RAB28: variants seen among roughly 807,000 people sequenced by gnomAD.
RAB28 encodes ras-related protein Rab-28.
A neutral mutation model predicts 31.7 loss-of-function variants in RAB28; 24 were observed. That is an observed-to-expected ratio of 0.76 (90% CI 0.55 to 1.06). RAB28 has a LOEUF of 1.06. Among genes scored for constraint, RAB28 ranks in the 50% least tolerant of loss-of-function variants. The pLI is 0.00. For missense variants in RAB28, 254 were observed against 258.5 expected (o/e 0.98, Z 0.12); for synonymous variants, 100 against 90.4 (o/e 1.11, Z -0.60).
chr4:13,462,631 T>C (rs781158510), intron 3 of RAB28, among the ~76,000 whole-genome samples: 22 of 152,312 alleles, frequency 1.4e-4, no homozygotes, highest in South Asian at 4.1e-4. Flanking sequence ...GTTACCTAGC[T>C]TCTCCAGGTC....
At chr4:13,427,792 A>G (rs544755993) in intron 4 of RAB28, among the ~76,000 whole-genome samples, 292 of 152,280 alleles carry the variant, frequency 1.9e-3, no homozygotes, top group African/African-American at 6.7e-3. Flanking sequence ...TGGAGAACAG[A>G]GAAGAGTAAC....
At chr4:13,462,245 A>G (rs576183295) in intron 3 of RAB28, among the ~76,000 whole-genome samples, 2 of 152,258 alleles carry the variant, frequency 1.3e-5, no homozygotes, top group South Asian at 4.1e-4. Flanking sequence ...GCCAATTTTC[A>G]TGGTGTAAAT....
chr4:13,448,618 A>G (rs899867041), intron 4 of RAB28, among the ~76,000 whole-genome samples: 8 of 152,082 alleles, frequency 5.3e-5, no homozygotes, highest in African/African-American at 9.6e-5. Flanking sequence ...ATTATGAAAC[A>G]GCACTCATTT....
At position 13,368,047 on chromosome 4, in the gene RAB28, T is replaced by C; in HGVS notation, c.*511A>G. Reference sequence around the variant, plus strand: ...CAGGCTTATTTCAAGCATTTTCAGTTAGAAACAGCTTTATATACTTTTACT... The same window carrying C: ...CAGGCTTATTTCAAGCATTTTCAGTCAGAAACAGCTTTATATACTTTTACT... On this transcript the variant is annotated 3_prime_UTR_variant, in exon 7 of 7. Coordinates refer to ENST00000330852, the MANE Select transcript of RAB28 (RefSeq NM_001017979.3). The C allele has an allele frequency of 1.0e-6, 1 of 975,802 alleles. No homozygotes were observed. Among genetic ancestry groups the C allele is most frequent in the Non-Finnish European group, 1.2e-6 (1 of 821,226 alleles). 60.4% of individuals were successfully genotyped at this position (975,802 alleles called of 1,614,324 possible).
intron 4 of RAB28, among the ~76,000 whole-genome samples, chr4:13,392,424 A>T (rs1729680212): frequency 6.6e-6 from 1 of 152,206 alleles, no homozygotes; most frequent in African/African-American, 2.4e-5. Context: ...GATTATATAC[A>T]AGAATTTGTC....
intron 6 of RAB28, among the ~76,000 whole-genome samples, chr4:13,374,237 T>C (rs1288521210): frequency 6.6e-6 from 1 of 152,082 alleles, no homozygotes; most frequent in Non-Finnish European, 1.5e-5. Flanking sequence ...AAACTGAAGA[T>C]AGAATTAAAC....
chr4:13,408,921 T>G (rs11941293), intron 4 of RAB28, among the ~76,000 whole-genome samples: 17,005 of 152,220 alleles, frequency 0.11, 1,202 homozygotes, highest in African/African-American at 0.19. Context: ...ATAAATATAT[T>G]TTGATAAGTT....
At chr4:13,387,100 G>A (rs1302806564) in intron 4 of RAB28, among the ~76,000 whole-genome samples, 1 of 152,056 alleles carries the variant, frequency 6.6e-6, no homozygotes, top group Admixed American at 6.6e-5. Flanking sequence ...CAAGAGGATG[G>A]AGGGTGGGAG....
At chr4:13,481,845 G>A (rs1344027459) in intron 1 of RAB28, among the ~76,000 whole-genome samples, 1 of 152,040 alleles carries the variant, frequency 6.6e-6, no homozygotes, top group Admixed American at 6.6e-5. Context: ...CAGGAAAAAA[G>A]AGCCAAGAGT....
intron 4 of RAB28, among the ~76,000 whole-genome samples, chr4:13,444,153 G>C (rs1015648249): frequency 5.3e-5 from 8 of 151,230 alleles, no homozygotes; most frequent in Admixed American, 4.0e-4. Flanking sequence ...TCAGCCTCCC[G>C]AGTAGCTGGG....
At chr4:13,431,590 C>G (rs1352514284) in intron 4 of RAB28, among the ~76,000 whole-genome samples, 1 of 152,112 alleles carries the variant, frequency 6.6e-6, no homozygotes, top group East Asian at 1.9e-4. Flanking sequence ...ATCAGGCCCA[C>G]AGGAGACAGT....
At chr4:13,426,355 C>T (rs919890158) in intron 4 of RAB28, among the ~76,000 whole-genome samples, 115 of 151,404 alleles carry the variant, frequency 7.6e-4, no homozygotes, top group African/African-American at 2.7e-3. Flanking sequence ...AAACGAATCT[C>T]TGAGGAGGAG....
In RAB28 at chr4:13,474,537, G is replaced by A. The variant is rs1716263849; in HGVS notation, c.173-131C>T. On this transcript the variant is annotated intron_variant, in intron 2 of 6. Coordinates refer to ENST00000330852, the MANE Select transcript of RAB28 (RefSeq NM_001017979.3). The stretch of plus-strand genomic sequence containing the variant: ...TGAGCCCAATTTGCCTTTATGTGCA[G>A]GCTCACATGATATTTGGAATTGCGA... The A allele has an allele frequency of 1.0e-5, 5 of 489,530 alleles. No homozygotes were observed. The Admixed American group carries it at 1.4e-4, about 14-fold the overall frequency. 30.3% of individuals were successfully genotyped at this position (489,530 alleles called of 1,614,324 possible).
intron 6 of RAB28, chr4:13,370,860 T>C (rs1048080968): frequency 3.9e-5 from 37 of 956,604 alleles, no homozygotes; most frequent in Non-Finnish European, 4.4e-5. Flanking sequence ...AAGAAACTAT[T>C]TATTTTTACC....
intron 2 of RAB28, among the ~76,000 whole-genome samples, chr4:13,476,035 A>C (rs536856008): frequency 6.6e-6 from 1 of 151,668 alleles, no homozygotes; most frequent in South Asian, 2.1e-4. Flanking sequence ...TTACAGAGTA[A>C]GATTTTAGGC....
intron 4 of RAB28, among the ~76,000 whole-genome samples, chr4:13,448,548 T>C (rs961853506): frequency 5.9e-5 from 9 of 152,168 alleles, no homozygotes; most frequent in East Asian, 5.8e-4. Flanking sequence ...AAAGTAACTA[T>C]GAAATAACAA....
rs141824962 is a variant in RAB28, at chr4:13,443,775, T to C, written c.391+16924A>G. On this transcript the variant is annotated intron_variant, in intron 4 of 6. Transcript: ENST00000330852. ...TAACTGTAGTTACCATGCTGTACAA[T>C]AGATCCCCAGAACTTATTCATCCTA... 1.6e-3 allele frequency among the ~76,000 whole-genome samples: 244 copies of C among 152,290 alleles called. 1 individual carries two copies. The highest frequency in any genetic ancestry group is 2.7e-3 in the Non-Finnish European group (183 of 68,032).
chr4:13,402,511 A>G (rs538072752), intron 4 of RAB28, among the ~76,000 whole-genome samples: 1 of 152,326 alleles, frequency 6.6e-6, no homozygotes, highest in South Asian at 2.1e-4. Flanking sequence ...TTATCGCTAC[A>G]AAATTCCTTG....
At chr4:13,429,781 C>T (rs1015907042) in intron 4 of RAB28, among the ~76,000 whole-genome samples, 2 of 152,058 alleles carry the variant, frequency 1.3e-5, no homozygotes, top group Non-Finnish European at 2.9e-5. Context: ...CAAGCTGATC[C>T]TAAAATTCAC....
Sources: allele counts gnomAD v4.1 joint callset (sites outside exome capture counted in the v4.1 genomes callset), GRCh38; gene constraint gnomAD v4.1.1; transcripts MANE v1.5; gene names NCBI Gene and HGNC (gene_info 2026-07-23, HGNC 2026-07-21).